Variants in GPATCH2 observed in about 807,000 individuals in gnomAD.
GPATCH2 encodes G patch domain-containing protein 2.
A neutral mutation model predicts 58.0 loss-of-function variants in GPATCH2; 51 were observed. That is an observed-to-expected ratio of 0.88 (90% CI 0.70 to 1.11). The LOEUF is 1.11. Among genes scored for constraint, GPATCH2 ranks in the 50% most tolerant of loss-of-function variants. The pLI is 0.00. For synonymous variants in GPATCH2, 222 were observed against 218.5 expected, an observed-to-expected ratio of 1.02 and a Z score of -0.14; for missense variants, 625 against 652.2, an observed-to-expected ratio of 0.96 and a Z score of 0.45.
chr1:217,627,667 C>T lies in GPATCH2; in HGVS notation c.56+3249G>A, dbSNP rs111564536. 4.2e-3 allele frequency among the ~76,000 whole-genome samples: 633 copies of T among 152,086 alleles called. 6 individuals are homozygous for T. Among genetic ancestry groups the T allele is most frequent in the African/African-American group, 0.015 (608 of 41,532 alleles). On this transcript the variant is annotated intron_variant, in intron 1 of 9. Coordinates refer to ENST00000366935, the MANE Select transcript of GPATCH2 (RefSeq NM_018040.5). ...ACCATAGGAACTTTCAGGAAGTTTT[C>T]TTTCCTCTTTACCATGGTTTGCTCA...
At chr1:217,585,481 G>A (rs112425466) in intron 5 of GPATCH2, among the ~76,000 whole-genome samples, 3 of 152,188 alleles carry the variant, frequency 2.0e-5, no homozygotes, top group African/African-American at 4.8e-5. Context: ...ATTAGCTGGT[G>A]TGGTGGCACA....
chr1:217,442,285 G>A (rs1203263099), intron 9 of GPATCH2, among the ~76,000 whole-genome samples: 1 of 152,114 alleles, frequency 6.6e-6, no homozygotes, highest in Non-Finnish European at 1.5e-5. Flanking sequence ...AGTGGGAGTT[G>A]AACAATGAGA....
intron 5 of GPATCH2, among the ~76,000 whole-genome samples, chr1:217,546,683 T>C (rs539957746): frequency 1.3e-5 from 2 of 152,296 alleles, no homozygotes; most frequent in African/African-American, 4.8e-5. Flanking sequence ...ATTCAGGACA[T>C]AGCCATGGGC....
At chr1:217,543,730 A>G (rs1664874751) in intron 5 of GPATCH2, among the ~76,000 whole-genome samples, 2 of 152,246 alleles carry the variant, frequency 1.3e-5, no homozygotes, top group South Asian at 4.1e-4. Context: ...AAAGCCTGAA[A>G]TTAAGTCATG....
At chr1:217,614,112 A>G (rs1376929474) in intron 3 of GPATCH2, 29 bp downstream of exon 3, 2 of 1,342,270 alleles carry the variant, frequency 1.5e-6, no homozygotes, top group Non-Finnish European at 2.1e-6. Context: ...AAGTTTTTCC[A>G]AAGAGAGAAA....
intron 6 of GPATCH2, among the ~76,000 whole-genome samples, chr1:217,509,970 G>C (rs1662766317): frequency 6.6e-6 from 1 of 152,164 alleles, no homozygotes. Context: ...CTTAAAGTAG[G>C]TTATAGCAGA....
At position 217,427,982 on chromosome 1, in the gene GPATCH2, A is replaced by T. The variant is rs1658391956; in HGVS notation, c.*3163T>A. On this transcript the variant is annotated 3_prime_UTR_variant, in exon 10 of 10. Coordinates refer to ENST00000366935, the MANE Select transcript of GPATCH2 (RefSeq NM_018040.5). ...AAATATATGGTATTTAAATGCTGAG[A>T]CCAATTTATTGGCAGATTTTAATTA... is the stretch of plus-strand genomic sequence containing the variant. 1 of 152,142 alleles carries T rather than the reference A, an allele frequency of 6.6e-6. No individual in the cohort carries two copies. Among genetic ancestry groups the T allele is most frequent in the Non-Finnish European group, 1.5e-5 (1 of 67,988 alleles). The allele number at this position is 152,142 out of a possible 1,614,324, so 9.4% of individuals were successfully genotyped here. A position where few individuals can be genotyped will look rare whatever the true frequency, so the allele number is the denominator to read the frequency against.
At chr1:217,439,941 G>A (rs1659055980) in intron 9 of GPATCH2, among the ~76,000 whole-genome samples, 1 of 152,208 alleles carries the variant, frequency 6.6e-6, no homozygotes, top group Non-Finnish European at 1.5e-5. Flanking sequence ...GAGGTACAAA[G>A]AGGAGCTGGT....
intron 2 of GPATCH2, among the ~76,000 whole-genome samples, chr1:217,617,230 T>C (rs1023286306): frequency 1.3e-5 from 2 of 152,190 alleles, no homozygotes; most frequent in African/African-American, 4.8e-5. Context: ...ACAAAGTATG[T>C]ATTTTCATTT....
chr1:217,543,293 A>G (rs1272818355), intron 5 of GPATCH2, among the ~76,000 whole-genome samples: 6 of 140,264 alleles, frequency 4.3e-5, no homozygotes, highest in Non-Finnish European at 7.6e-5. Flanking sequence ...TTTTTGAGAC[A>G]GAGTCTCGCT....
Position 217,428,908 on chromosome 1 carries a change from T to C in GPATCH2, c.*2237A>G, listed in dbSNP as rs781111024. 1 of 152,206 alleles carries C rather than the reference T, an allele frequency of 6.6e-6. No individual in the cohort carries two copies. The highest frequency in any genetic ancestry group is 6.5e-5 in the Admixed American group (1 of 15,278). The allele number at this position is 152,206 out of a possible 1,614,324, so 9.4% of individuals were successfully genotyped here. A position where few individuals can be genotyped will look rare whatever the true frequency, so the allele number is the denominator to read the frequency against. ...ATGAAGAAGTTCCTATACACTAGTCTGGTGTATATACTGCTCTTCTTCACT... is the reference window on the plus strand; with the variant it reads ...ATGAAGAAGTTCCTATACACTAGTCCGGTGTATATACTGCTCTTCTTCACT... On this transcript the variant is annotated 3_prime_UTR_variant, in exon 10 of 10. Transcript: ENST00000366935.
intron 9 of GPATCH2, among the ~76,000 whole-genome samples, chr1:217,437,375 G>A (rs1259024124): frequency 2.0e-5 from 3 of 152,114 alleles, no homozygotes; most frequent in Admixed American, 6.5e-5. Flanking sequence ...GAATGACAGC[G>A]AGACACAACC....
intron 1 of GPATCH2, among the ~76,000 whole-genome samples, chr1:217,628,589 T>C (rs1669572341): frequency 6.7e-6 from 1 of 149,084 alleles, no homozygotes; most frequent in Non-Finnish European, 1.5e-5. Flanking sequence ...AAAATCAAAA[T>C]ACCTAATAGG....
In GPATCH2 at chr1:217,431,332, T is replaced by G; in HGVS notation, c.1400A>C (p.Glu467Ala). 6.2e-7 allele frequency: 1 copy of G among 1,607,058 alleles called. No homozygotes were observed. Among genetic ancestry groups the G allele is most frequent in the Non-Finnish European group, 8.5e-7 (1 of 1,173,424 alleles). The change falls in exon 10 of 10, where the codon GAA (glutamate) becomes GCA (alanine). Residue 467 changes from glutamate (E) to alanine (A), a missense_variant. By Grantham distance (107) the Glu-to-Ala change is moderately radical. Transcript: ENST00000366935. ...FVGENAQPIL[E>A]NNIGNRMLQN... ...AAGCATTCGGTTTCCAATATTATTTTCTAGGATTGGCTGGGCATTTTCACC... is the reference window on the plus strand; with the variant it reads ...AAGCATTCGGTTTCCAATATTATTTGCTAGGATTGGCTGGGCATTTTCACC...
chr1:217,479,586 A>G (rs538087403), intron 8 of GPATCH2, among the ~76,000 whole-genome samples: 1 of 152,098 alleles, frequency 6.6e-6, no homozygotes, highest in Non-Finnish European at 1.5e-5. Flanking sequence ...AAGGAAGACA[A>G]GAAAGAAAGA....
At chr1:217,588,454 C>A (rs1049075559) in intron 5 of GPATCH2, among the ~76,000 whole-genome samples, 1 of 152,116 alleles carries the variant, frequency 6.6e-6, no homozygotes, top group Non-Finnish European at 1.5e-5. Flanking sequence ...TCAGGATGAT[C>A]TCTTCATTAG....
At chr1:217,451,028 T>C (rs1373925415) in intron 8 of GPATCH2, among the ~76,000 whole-genome samples, 1 of 152,068 alleles carries the variant, frequency 6.6e-6, no homozygotes, top group Non-Finnish European at 1.5e-5. Flanking sequence ...ACAAAGGAAA[T>C]GAAACTTTCA....
At chr1:217,542,084 C>A (rs1251988227) in intron 5 of GPATCH2, among the ~76,000 whole-genome samples, 1 of 152,116 alleles carries the variant, frequency 6.6e-6, no homozygotes, top group Non-Finnish European at 1.5e-5. Flanking sequence ...GGGCTATATA[C>A]CCTGAAGTCA....
At chr1:217,453,853 A>G (rs1659790007) in intron 8 of GPATCH2, among the ~76,000 whole-genome samples, 1 of 152,202 alleles carries the variant, frequency 6.6e-6, no homozygotes, top group Non-Finnish European at 1.5e-5. Flanking sequence ...GAGGCTGTTC[A>G]GAGAATTAGG....
Sources: allele counts gnomAD v4.1 joint callset (sites outside exome capture counted in the v4.1 genomes callset), GRCh38; gene constraint gnomAD v4.1.1; transcripts MANE v1.5; gene names NCBI Gene and HGNC (gene_info 2026-07-23, HGNC 2026-07-21).